GPC6: variants seen among roughly 807,000 people sequenced by gnomAD.
GPC6 encodes the protein glypican 6.
A neutral mutation model predicts 55.2 loss-of-function variants in GPC6; 14 were observed. The observed-to-expected ratio is 0.25, with a 90% CI of 0.17 to 0.40. GPC6 has a LOEUF of 0.40. GPC6 is among the 10% of genes least tolerant of loss of function. The probability of loss-of-function intolerance (pLI) is 1.00; values close to 1 mark genes in which losing one functional copy is unlikely to be tolerated. For synonymous variants in GPC6, 278 were observed against 259.6 expected, an observed-to-expected ratio of 1.07 and a Z score of -0.68; for missense variants, 641 against 708.5, an observed-to-expected ratio of 0.90 and a Z score of 1.08.
intron 2 of GPC6, among the ~76,000 whole-genome samples, chr13:93,709,734 C>G (rs1358583810): frequency 6.6e-6 from 1 of 151,722 alleles, no homozygotes; most frequent in African/African-American, 2.4e-5. Flanking sequence ...TGGGTTTACT[C>G]AACAGTGTTA....
chr13:93,278,466 C>T (rs1258184019), intron 1 of GPC6, among the ~76,000 whole-genome samples: 1 of 152,150 alleles, frequency 6.6e-6, no homozygotes, highest in Non-Finnish European at 1.5e-5. Flanking sequence ...CACCTTTCTC[C>T]TTTCTGTTTC....
intron 6 of GPC6, among the ~76,000 whole-genome samples, chr13:94,320,571 G>A (rs1320383786): frequency 1.3e-5 from 2 of 152,180 alleles, no homozygotes; most frequent in South Asian, 4.1e-4. Context: ...GGCTGTATGT[G>A]GTGGGTTAGT....
At chr13:94,098,144 G>A (rs1229834655) in intron 4 of GPC6, among the ~76,000 whole-genome samples, 3 of 152,146 alleles carry the variant, frequency 2.0e-5, no homozygotes, top group African/African-American at 7.2e-5. Context: ...AATGTAATAT[G>A]GAAACTCTTC....
At chr13:93,318,264 T>G (rs897169676) in intron 1 of GPC6, among the ~76,000 whole-genome samples, 8 of 151,714 alleles carry the variant, frequency 5.3e-5, no homozygotes, top group African/African-American at 1.5e-4. Flanking sequence ...TATGTGACAG[T>G]TTTTTTTGTT....
intron 3 of GPC6, among the ~76,000 whole-genome samples, chr13:93,896,196 C>G: frequency 6.6e-6 from 1 of 152,004 alleles, no homozygotes; most frequent in East Asian, 1.9e-4. Flanking sequence ...TAAAAATTAA[C>G]TATGATATGC....
In GPC6 at chr13:93,895,234, GTATATATATATA is replaced by G. The variant is rs60375718; in HGVS notation, c.711+64721_711+64732del. ...TGTGTGTGTATGTATGTGTGTGTGT[GTATATATATATA>G]TATATATATATATATATATATATAT... On this transcript the variant is annotated intron_variant, in intron 3 of 8. Coordinates refer to ENST00000377047, the MANE Select transcript of GPC6 (RefSeq NM_005708.5). Among the ~76,000 whole-genome samples, 278 of 108,208 alleles carry G rather than the reference GTATATATATATA, an allele frequency of 2.6e-3. 14 individuals carry two copies. Among genetic ancestry groups the G allele is most frequent in the African/African-American group, 8.8e-3 (238 of 27,144 alleles). The allele number at this position is 108,208 out of a possible 152,430, so 71.0% of individuals were successfully genotyped here.
chr13:94,288,861 TATATATTTGTTATATATATAACTA>T (rs1566637956), intron 5 of GPC6, among the ~76,000 whole-genome samples: 5 of 122,462 alleles, frequency 4.1e-5, no homozygotes, highest in East Asian at 2.0e-4. Context: ...ATAATAAATA[TATATATTTGTTATATATATAACTA>T]ATATATATAA....
intron 3 of GPC6, among the ~76,000 whole-genome samples, chr13:93,909,799 T>C (rs1234855958): frequency 6.6e-6 from 1 of 152,208 alleles, no homozygotes; most frequent in South Asian, 2.1e-4. Context: ...TATATTCTGA[T>C]GCTTTCCAGT....
At chr13:93,563,592 GAC>G (rs1461278416) in intron 2 of GPC6, among the ~76,000 whole-genome samples, 1 of 152,042 alleles carries the variant, frequency 6.6e-6, no homozygotes, top group Admixed American at 6.6e-5. Context: ...TGAGATCTCA[GAC>G]ACAATAAACG....
chr13:93,624,405 T>G (rs1879103858), intron 2 of GPC6, among the ~76,000 whole-genome samples: 1 of 152,200 alleles, frequency 6.6e-6, no homozygotes, highest in African/African-American at 2.4e-5. Context: ...ACATTTTCAT[T>G]TCAAAAGCAG....
intron 4 of GPC6, among the ~76,000 whole-genome samples, chr13:94,143,943 G>C (rs543166059): frequency 6.6e-6 from 1 of 152,240 alleles, no homozygotes; most frequent in African/African-American, 2.4e-5. Context: ...ACTTGATCTG[G>C]ACATCAGCGA....
At chr13:93,549,875 G>A (rs982488437) in intron 2 of GPC6, among the ~76,000 whole-genome samples, 1 of 152,056 alleles carries the variant, frequency 6.6e-6, no homozygotes, top group African/African-American at 2.4e-5. Context: ...ATGAATCCAA[G>A]ACTGAAACCT....
At chr13:94,357,114 C>T (rs972962252) in intron 6 of GPC6, among the ~76,000 whole-genome samples, 3 of 152,112 alleles carry the variant, frequency 2.0e-5, no homozygotes, top group Non-Finnish European at 2.9e-5. Flanking sequence ...TAGCACCCTT[C>T]AATGATTCTC....
intron 6 of GPC6, among the ~76,000 whole-genome samples, chr13:94,355,964 T>C (rs564092013): frequency 6.6e-6 from 1 of 152,186 alleles, no homozygotes; most frequent in African/African-American, 2.4e-5. Flanking sequence ...CCAGTGTGTA[T>C]TGTTCCCCTC....
At chr13:93,795,639 T>A (rs3864992) in intron 2 of GPC6, among the ~76,000 whole-genome samples, 50,174 of 152,150 alleles carry the variant, frequency 0.33, 8,698 homozygotes, top group African/African-American at 0.43. Flanking sequence ...CACTTATAAA[T>A]AAGATAGAGA....
intron 4 of GPC6, among the ~76,000 whole-genome samples, chr13:94,152,375 C>T (rs1266137373): frequency 2.0e-5 from 3 of 152,110 alleles, no homozygotes; most frequent in Non-Finnish European, 4.4e-5. Context: ...TTGGGTAATT[C>T]ACTTAAATTT....
intron 1 of GPC6, among the ~76,000 whole-genome samples, chr13:93,324,593 T>TATATATACACACATCCATAC (rs1240383059): frequency 7.8e-6 from 1 of 128,880 alleles, no homozygotes; most frequent in African/African-American, 2.7e-5. Context: ...CATACATATA[T>TATATATACACACATCCATAC]ATATATATAT....
chr13:94,240,769 C>T (rs920486040), intron 4 of GPC6, among the ~76,000 whole-genome samples: 8 of 152,020 alleles, frequency 5.3e-5, no homozygotes, highest in African/African-American at 1.9e-4. Context: ...CTGCAGGTGC[C>T]GTATAAGCAT....
intron 2 of GPC6, among the ~76,000 whole-genome samples, chr13:93,735,916 T>C (rs147487582): frequency 6.6e-6 from 1 of 152,372 alleles, no homozygotes; most frequent in Admixed American, 6.5e-5. Flanking sequence ...TTAAATGACT[T>C]GCCCAAGGGT....
Sources: gnomAD v4.1 joint callset for allele counts (sites outside exome capture counted in the v4.1 genomes callset) on GRCh38, gnomAD v4.1.1 for gene constraint, MANE v1.5 for transcripts, NCBI Gene and HGNC (gene_info 2026-07-23, HGNC 2026-07-21) for gene names.